BCL2L14: variants seen among roughly 807,000 people sequenced by gnomAD.
BCL2L14 encodes BCL2 like 14, also known as apoptosis facilitator Bcl-2-like protein 14.
Under a neutral mutation model 35.3 loss-of-function variants are expected in BCL2L14, and 27 were observed. That is an observed-to-expected ratio of 0.76 (90% confidence interval 0.56 to 1.05). The LOEUF (loss-of-function observed/expected upper bound fraction) is 1.05, where lower values mean the gene tolerates loss of function less well. Among genes scored for constraint, BCL2L14 ranks in the 50% least tolerant of loss-of-function variants. BCL2L14 has a pLI of 0.00. For synonymous variants in BCL2L14, 139 were observed against 145.9 expected (o/e 0.95, Z 0.34); for missense variants, 377 against 382.6 (o/e 0.99, Z 0.12).
At chr12:12,087,972 C>A (rs1949085050) in intron 3 of BCL2L14, among the ~76,000 whole-genome samples, 1 of 152,252 alleles carries the variant, frequency 6.6e-6, no homozygotes, top group Middle Eastern at 3.4e-3. Flanking sequence ...AAGCCAAGTG[C>A]CACTGGAAGA....
In BCL2L14 at chr12:12,079,473, G is replaced by A. The variant is rs1276438047; in HGVS notation, c.168G>A (p.Arg56=). The change falls in exon 2 of 6, where the codon AGG becomes AGA. Residue 56 remains arginine (R), a synonymous_variant. Coordinates refer to ENST00000308721, the MANE Select transcript of BCL2L14 (RefSeq NM_138723.2). ...TGAGAACAAGAAGTTTGTCCCAGAG[G>A]GGCCTGGGGAATTGTTCAGCAAATG... The part of the protein sequence containing the change: ...KLLRTRSLSQ[R]GLGNCSANES... 6.2e-7 allele frequency: 1 copy of A among 1,614,226 alleles called. No individual in the cohort carries two copies. The highest frequency in any genetic ancestry group is 1.1e-5 in the South Asian group (1 of 91,086).
upstream of BCL2L14, among the ~76,000 whole-genome samples, chr12:12,070,330 A>G (rs1756132582): frequency 6.6e-6 from 1 of 152,194 alleles, no homozygotes; most frequent in Non-Finnish European, 1.5e-5. Context: ...CACCTCTCTG[A>G]GCCTCAGTTT....
chr12:12,063,638 C>T (rs1302726874), intron 2 of BCL2L14, among the ~76,000 whole-genome samples: 3 of 152,078 alleles, frequency 2.0e-5, no homozygotes, highest in South Asian at 2.1e-4. Flanking sequence ...AACACTTTAC[C>T]ACTATTTCGT....
At chr12:12,097,253 A>G (rs1438044525) in intron 5 of BCL2L14, among the ~76,000 whole-genome samples, 1 of 152,262 alleles carries the variant, frequency 6.6e-6, no homozygotes, top group African/African-American at 2.4e-5. Context: ...ATGAATGTTC[A>G]TAGCTTCCAT....
intron 1 of BCL2L14, chr12:12,071,457 G>C (rs1032642856): frequency 4.6e-5 from 7 of 152,100 alleles, no homozygotes; most frequent in African/African-American, 1.4e-4. Flanking sequence ...TATGTATCTG[G>C]GGAGGTATGC....
chr12:12,095,223 T>C, intron 5 of BCL2L14: 2 of 985,378 alleles, frequency 2.0e-6, no homozygotes, highest in Non-Finnish European at 2.4e-6. Context: ...AATGTTTAGA[T>C]AGACGTAATT....
chr12:12,095,344 CAG>C, intron 5 of BCL2L14: 1 of 985,392 alleles, frequency 1.0e-6, no homozygotes, highest in Non-Finnish European at 1.2e-6. Flanking sequence ...AAGCCTCATG[CAG>C]AGACTCAGGG....
chr12:12,089,480 G>A (rs767757092), intron 3 of BCL2L14, among the ~76,000 whole-genome samples: 1 of 151,996 alleles, frequency 6.6e-6, no homozygotes, highest in Admixed American at 6.6e-5. Flanking sequence ...CGGATCTCTT[G>A]AGGCCAGAAG....
intron 1 of BCL2L14, among the ~76,000 whole-genome samples, chr12:12,073,171 G>C (rs1948704647): frequency 1.3e-5 from 2 of 152,164 alleles, no homozygotes; most frequent in South Asian, 4.1e-4. Flanking sequence ...CACTGGGTCC[G>C]GCATCTACAT....
Position 12,098,933 on chromosome 12 carries a change from C to G in BCL2L14, c.946-17C>G, listed in dbSNP as rs755188258. Reference sequence around the variant, plus strand: ...AAATCTAACTTGGAATTTTAAGAACCTATTTTTCCCCTCTAGGAAAAAATA... The same window carrying G: ...AAATCTAACTTGGAATTTTAAGAACGTATTTTTCCCCTCTAGGAAAAAATA... On this transcript the variant is annotated splice_polypyrimidine_tract_variant and intron_variant, in intron 5 of 5. Transcript: ENST00000308721. The G allele has an allele frequency of 1.9e-6, 3 of 1,558,092 alleles. No homozygotes were observed. The highest frequency in any genetic ancestry group is 2.7e-5 in the African/African-American group (2 of 73,898).
At chr12:12,058,582 G>A (rs1018040052) in intron 2 of BCL2L14, among the ~76,000 whole-genome samples, 5 of 150,900 alleles carry the variant, frequency 3.3e-5, no homozygotes, top group Non-Finnish European at 7.4e-5. Context: ...CTCCCCCACT[G>A]AGTACCTTGT....
In BCL2L14 at chr12:12,087,251, G is replaced by A. The variant is rs1949065790; in HGVS notation, c.472G>A (p.Ala158Thr). The A allele has an allele frequency of 6.2e-7, 1 of 1,614,190 alleles. No individual in the cohort carries two copies. Among genetic ancestry groups the A allele is most frequent in the Non-Finnish European group, 8.5e-7 (1 of 1,180,034 alleles). Residue 158 changes from alanine (A) to threonine (T), a missense_variant, in exon 3 of 6, where the codon GCT becomes ACT. Physicochemically the swap from Ala to Thr is moderately conservative, Grantham distance 58. Coordinates refer to ENST00000308721, the MANE Select transcript of BCL2L14 (RefSeq NM_138723.2). The stretch of plus-strand genomic sequence containing the variant: ...AGTCATTTCCATTGCCAACCGAGTA[G>A]CTGAAATTGTTTACTCCTGGCCACC... ...PKVISIANRV[A>T]EIVYSWPPPQ...
At chr12:12,095,227 C>T (rs764377809) in intron 5 of BCL2L14, 27 of 985,190 alleles carry the variant, frequency 2.7e-5, no homozygotes, top group Non-Finnish European at 3.3e-5. Flanking sequence ...TTTAGATAGA[C>T]GTAATTTCTG....
chr12:12,089,273 G>A (rs1479872367), intron 3 of BCL2L14, among the ~76,000 whole-genome samples: 2 of 152,004 alleles, frequency 1.3e-5, no homozygotes, highest in Non-Finnish European at 2.9e-5. Context: ...GGAGGCTGAG[G>A]CAGGAGAATC....
intron 5 of BCL2L14, among the ~76,000 whole-genome samples, 187 bp from the exon 6 acceptor site, chr12:12,098,763 A>T (rs778834015): frequency 2.6e-5 from 4 of 152,142 alleles, no homozygotes; most frequent in Non-Finnish European, 5.9e-5. Context: ...GTAACGTAAG[A>T]CCTTAGCTGA....
At chr12:12,082,960 TTG>T (rs1948959348) in intron 2 of BCL2L14, among the ~76,000 whole-genome samples, 1 of 152,078 alleles carries the variant, frequency 6.6e-6, no homozygotes, top group African/African-American at 2.4e-5. Context: ...GGGTTCTTTT[TTG>T]TTTGTTTGTT....
intron 5 of BCL2L14, chr12:12,095,908 C>G: frequency 1.0e-6 from 1 of 985,422 alleles, no homozygotes; most frequent in Non-Finnish European, 1.2e-6. Context: ...TTTGATAACC[C>G]TAAGTGGCTG....
upstream of BCL2L14, among the ~76,000 whole-genome samples, chr12:12,068,660 A>AT (rs1555088177): frequency 4.5e-3 from 608 of 135,232 alleles, 1 homozygote; most frequent in African/African-American, 0.015. Context: ...TGCCTGGCTA[A>AT]TTAAAAAAAA....
chr12:12,059,468 C>T (rs977645686), intron 2 of BCL2L14, among the ~76,000 whole-genome samples: 3 of 151,914 alleles, frequency 2.0e-5, no homozygotes, highest in Non-Finnish European at 4.4e-5. Context: ...CTTATTTCTG[C>T]ACCCCAACCT....
Sources: gnomAD v4.1 joint callset for allele counts (sites outside exome capture counted in the v4.1 genomes callset) on GRCh38, gnomAD v4.1.1 for gene constraint, MANE v1.5 for transcripts, NCBI Gene and HGNC (gene_info 2026-07-23, HGNC 2026-07-21) for gene names.